Variants in SLC5A4 observed in about 807,000 individuals in gnomAD.
The protein encoded by SLC5A4 is probable glucose sensor protein SLC5A4.
A neutral mutation model predicts 70.3 loss-of-function variants in SLC5A4; 55 were observed. That is an observed-to-expected ratio of 0.78 (90% CI 0.63 to 0.98). The LOEUF is 0.98. Ranked by LOEUF, SLC5A4 falls within the 50% of genes least tolerant of loss-of-function variation. SLC5A4 has a pLI of 0.00. For synonymous variants in SLC5A4, 268 were observed against 305.7 expected (o/e 0.88, Z 1.29); for missense variants, 735 against 839.2 (o/e 0.88, Z 1.53).
chr22:32,318,982 G>A, the SLC5A4 span, among the ~76,000 whole-genome samples: 1 of 152,198 alleles, frequency 6.6e-6, no homozygotes, highest in Non-Finnish European at 1.5e-5. Flanking sequence ...CATGTGACCT[G>A]GCAGATGGAG....
chr22:32,306,137 T>C, the SLC5A4 span, among the ~76,000 whole-genome samples: 1 of 152,148 alleles, frequency 6.6e-6, no homozygotes, highest in Non-Finnish European at 1.5e-5. Flanking sequence ...GACATGACAC[T>C]CCTTTATTAA....
intron 5 of SLC5A4, among the ~76,000 whole-genome samples, chr22:32,245,444 G>A (rs1376236399): frequency 1.3e-5 from 2 of 152,138 alleles, no homozygotes; most frequent in Non-Finnish European, 2.9e-5. Flanking sequence ...TGCATCCTTC[G>A]GGGGCCCCTT....
At chr22:32,284,781 T>C in the SLC5A4 span, 15 of 152,302 alleles carry the variant, frequency 9.8e-5, no homozygotes, top group Non-Finnish European at 1.9e-4. Flanking sequence ...AATATTGTGG[T>C]AATTGTCTTT....
intron 5 of SLC5A4, among the ~76,000 whole-genome samples, chr22:32,240,113 T>C (rs536382597): frequency 6.6e-6 from 1 of 151,838 alleles, no homozygotes; most frequent in South Asian, 2.1e-4. Context: ...AGATATGTGC[T>C]ACAGTGATGG....
At chr22:32,298,691 G>T in the SLC5A4 span, among the ~76,000 whole-genome samples, 1 of 75,344 alleles carries the variant, frequency 1.3e-5, no homozygotes, top group Non-Finnish European at 2.7e-5. Flanking sequence ...ATTTGATCCT[G>T]TCATTATGAT....
the SLC5A4 span, among the ~76,000 whole-genome samples, chr22:32,308,746 A>C: frequency 6.9e-6 from 1 of 145,612 alleles, no homozygotes; most frequent in Non-Finnish European, 1.5e-5. Flanking sequence ...GAGGGACCAG[A>C]TCTACCTATG....
chr22:32,309,157 G>GTTC, the SLC5A4 span, among the ~76,000 whole-genome samples: 1 of 132,854 alleles, frequency 7.5e-6, no homozygotes, highest in Non-Finnish European at 1.8e-5. Context: ...AGGCTAACAT[G>GTTC]AGGGCAGCGA....
At chr22:32,340,991 T>C in the SLC5A4 span, among the ~76,000 whole-genome samples, 1 of 151,932 alleles carries the variant, frequency 6.6e-6, no homozygotes, top group Non-Finnish European at 1.5e-5. Flanking sequence ...TGCGGATGGA[T>C]TCTGGCTTCA....
intron 5 of SLC5A4, among the ~76,000 whole-genome samples, chr22:32,240,437 G>GTATA (rs3069416): frequency 6.7e-5 from 10 of 149,350 alleles, no homozygotes; most frequent in African/African-American, 2.0e-4. Flanking sequence ...ATATATGTGT[G>GTATA]TATATATATA....
chr22:32,260,696 T>A, the SLC5A4 span, among the ~76,000 whole-genome samples: 3 of 151,234 alleles, frequency 2.0e-5, no homozygotes, highest in East Asian at 5.8e-4. Context: ...ACGAGAGGAG[T>A]TAGATGAAAA....
At chr22:32,279,785 C>T in the SLC5A4 span, among the ~76,000 whole-genome samples, 3 of 152,214 alleles carry the variant, frequency 2.0e-5, no homozygotes, top group African/African-American at 7.2e-5. Flanking sequence ...ACTGTGACCT[C>T]AAGAGCCTCC....
intron 11 of SLC5A4, 74 bp from the exon 12 acceptor site, chr22:32,225,897 C>G: frequency 9.6e-7 from 1 of 1,041,446 alleles, no homozygotes; most frequent in South Asian, 1.8e-5. Context: ...TTAGTTCTAG[C>G]GTTCATTCTT....
the SLC5A4 span, chr22:32,271,389 C>T: frequency 1.3e-6 from 1 of 761,288 alleles, no homozygotes; most frequent in Non-Finnish European, 2.4e-6. Context: ...CACACCTTAC[C>T]TGCTGGTGCA....
the SLC5A4 span, among the ~76,000 whole-genome samples, chr22:32,282,955 C>G: frequency 6.6e-6 from 1 of 152,242 alleles, no homozygotes; most frequent in Non-Finnish European, 1.5e-5. Flanking sequence ...GCTCTCAGCA[C>G]TGCAGTCAGA....
At chr22:32,312,089 G>A in the SLC5A4 span, among the ~76,000 whole-genome samples, 1 of 152,062 alleles carries the variant, frequency 6.6e-6, no homozygotes, top group African/African-American at 2.4e-5. Context: ...CTTGGTACCT[G>A]CCCTGTGGTC....
the SLC5A4 span, chr22:32,284,931 G>C: frequency 6.6e-6 from 1 of 152,078 alleles, no homozygotes; most frequent in African/African-American, 2.4e-5. Context: ...AGTTGTCTGT[G>C]GGTAACATTT....
chr22:32,253,991 G>A, intron 2 of SLC5A4, 151 bp downstream of exon 2: 1 of 714,004 alleles, frequency 1.4e-6, no homozygotes, highest in African/African-American at 1.7e-5. Context: ...ATGTTAGTCA[G>A]GCTGGTCTCG....
chr22:32,258,198 A>C (rs1927586719), upstream of SLC5A4, among the ~76,000 whole-genome samples: 1 of 152,180 alleles, frequency 6.6e-6, no homozygotes, highest in Non-Finnish European at 1.5e-5. Flanking sequence ...CATGTTGGCC[A>C]GGCTGGTCCT....
At chr22:32,251,341 A>G (rs935318991) in intron 3 of SLC5A4, among the ~76,000 whole-genome samples, 2 of 152,054 alleles carry the variant, frequency 1.3e-5, no homozygotes, top group Non-Finnish European at 2.9e-5. Flanking sequence ...AGGGGTGATT[A>G]GGTTATGAGG....
Sources: gnomAD v4.1 joint callset for allele counts (sites outside exome capture counted in the v4.1 genomes callset) on GRCh38, gnomAD v4.1.1 for gene constraint, MANE v1.5 for transcripts, NCBI Gene and HGNC (gene_info 2026-07-23, HGNC 2026-07-21) for gene names.